INTS3: variants seen among roughly 807,000 people sequenced by gnomAD.
INTS3 encodes the protein integrator complex subunit 3.
INTS3 carries 34 observed loss-of-function variants against 146.3 expected under a neutral mutation model. The ratio of observed to expected loss-of-function variants is 0.23; its 90% CI spans 0.18 to 0.31. The LOEUF is 0.31. Ranked by LOEUF, INTS3 falls within the 10% of genes least tolerant of loss-of-function variation. INTS3 has a pLI of 1.00. For missense variants in INTS3, 757 were observed against 1,304.2 expected (o/e 0.58, Z 6.46); for synonymous variants, 475 against 494.9 (o/e 0.96, Z 0.53).
At chr1:153,748,973 T>C (rs1671857055) in intron 6 of INTS3, among the ~76,000 whole-genome samples, 2 of 152,198 alleles carry the variant, frequency 1.3e-5, no homozygotes, top group Admixed American at 6.5e-5. Flanking sequence ...AAATATCGCA[T>C]AGCCCAGAAA....
chr1:153,755,560 A>G (rs1333050262), intron 9 of INTS3, among the ~76,000 whole-genome samples: 1 of 151,904 alleles, frequency 6.6e-6, no homozygotes, highest in Non-Finnish European at 1.5e-5. Context: ...GCACCCAGCC[A>G]GAATCTGTTT....
chr1:153,761,328 T>C, intron 13 of INTS3: 1 of 494,896 alleles, frequency 2.0e-6, no homozygotes, highest in Non-Finnish European at 3.6e-6. Context: ...CTGGCCAACA[T>C]GGCAAAACCC....
chr1:153,733,281 C>T (rs185800652), intron 1 of INTS3, among the ~76,000 whole-genome samples: 40 of 129,016 alleles, frequency 3.1e-4, no homozygotes, highest in African/African-American at 1.1e-3. Context: ...GGTGCGATCT[C>T]GGCTCACTGC....
chr1:153,760,898 T>C lies in INTS3; in HGVS notation c.1389T>C (p.Ile463=), dbSNP rs1672359845. The change falls in exon 13 of 30, where the codon ATT becomes ATC. Residue 463 remains isoleucine, a synonymous_variant. Transcript: ENST00000318967. ...RQGVFSSLNH[I]VEKRVLAHLA... ...GTGTCTTTTCCTCCCTCAACCACAT[T>C]GTGGAGAAACGGGTCTTGGCGTAAG... The C allele has an allele frequency of 6.2e-7, 1 of 1,614,040 alleles. No homozygotes were observed. Among genetic ancestry groups the C allele is most frequent in the African/African-American group, 1.3e-5 (1 of 75,034 alleles).
intron 20 of INTS3, 127 bp from the exon 21 acceptor site, chr1:153,767,547 C>T: frequency 1.1e-6 from 1 of 902,148 alleles, no homozygotes; most frequent in Non-Finnish European, 1.6e-6. Context: ...TTGGGAGGGA[C>T]ATGAGGCAGA....
rs2101822581 is a variant in INTS3 at position 153,764,992 on chromosome 1, A to C, written c.2019A>C (p.Leu673=). Residue 673 remains leucine (L), a synonymous_variant, in exon 20 of 30, where the codon CTA becomes CTC. Coordinates refer to ENST00000318967, the MANE Select transcript of INTS3 (RefSeq NM_023015.5). ...ACAACAGCAGCTTCTCTCTACTTCT[A>C]GACCTTCTCTCCGAGCTATATCAGA... is the stretch of plus-strand genomic sequence containing the variant. The part of the protein sequence containing the change: ...QEDNSSFSLL[L]DLLSELYQKQ... 1 of 1,614,076 alleles carries C rather than the reference A, an allele frequency of 6.2e-7. No individual in the cohort carries two copies. Among genetic ancestry groups the C allele is most frequent in the East Asian group, 2.2e-5 (1 of 44,874 alleles).
intron 1 of INTS3, among the ~76,000 whole-genome samples, chr1:153,736,356 C>G (rs1671291129): frequency 6.6e-6 from 1 of 152,176 alleles, no homozygotes; most frequent in Non-Finnish European, 1.5e-5. Flanking sequence ...TGCCTTAACA[C>G]TCAGTTCTAC....
rs1333516684 is a variant in INTS3 at position 153,757,533 on chromosome 1, T to C, written c.958-39T>C. 1 of 1,591,594 alleles carries C rather than the reference T, an allele frequency of 6.3e-7. No individual in the cohort carries two copies. The highest frequency in any genetic ancestry group is 1.7e-5 in the Admixed American group (1 of 59,610). On this transcript the variant is annotated intron_variant, in intron 9 of 29. Coordinates refer to ENST00000318967, the MANE Select transcript of INTS3 (RefSeq NM_023015.5). This position sits in a 1 kb window ranked among gnomAD's most constrained non-coding sequence, Gnocchi z 4.0. ...TTTCCTCTGGCCAAGGACCCCACAC[T>C]GTCTTCTAAGGTCTTTTTCTTGCTT...
intron 1 of INTS3, among the ~76,000 whole-genome samples, chr1:153,730,878 C>T (rs1424260684): frequency 6.6e-6 from 1 of 152,124 alleles, no homozygotes; most frequent in African/African-American, 2.4e-5. Context: ...TCGGTTATCC[C>T]CACTAGACCA....
Position 153,772,734 on chromosome 1 carries a change from C to T in INTS3, c.2894+23C>T, listed in dbSNP as rs1402954657. On this transcript the variant is annotated intron_variant, in intron 28 of 29. Coordinates refer to ENST00000318967, the MANE Select transcript of INTS3 (RefSeq NM_023015.5). The surrounding 1 kb of genome is among the most constrained non-coding windows in gnomAD (Gnocchi z 4.6). Reference sequence around the variant, plus strand: ...GAAGTGAGGCTCCTGCCACTTTGGGCCTTGGAAAGTAGTAGGGGAAAAGCC... The same window carrying T: ...GAAGTGAGGCTCCTGCCACTTTGGGTCTTGGAAAGTAGTAGGGGAAAAGCC... The T allele has an allele frequency of 6.2e-7, 1 of 1,610,730 alleles. No homozygotes were observed. The highest frequency in any genetic ancestry group is 8.5e-7 in the Non-Finnish European group (1 of 1,178,122).
intron 6 of INTS3, among the ~76,000 whole-genome samples, chr1:153,749,738 C>T (rs1411285624): frequency 6.6e-6 from 1 of 152,164 alleles, no homozygotes; most frequent in Non-Finnish European, 1.5e-5. Flanking sequence ...GGTCAGGGGG[C>T]CTTTCAACTC....
rs761105904 is a variant in INTS3, at chr1:153,741,432, T to TA, written c.318+65dup. On this transcript the variant is annotated intron_variant, in intron 3 of 29. Coordinates refer to ENST00000318967, the MANE Select transcript of INTS3 (RefSeq NM_023015.5). ...ATATGATCTGGGATATGGTGGAACT[T>TA]ACAGTTTAACTGGGGTAGTATGAAA... The TA allele has an allele frequency of 5.0e-4, 610 of 1,229,410 alleles. 6 individuals are homozygous for TA. Among genetic ancestry groups the TA allele is most frequent in the South Asian group, 2.2e-3 (179 of 83,090 alleles). 76.2% of individuals were successfully genotyped at this position (1,229,410 alleles called of 1,614,324 possible).
At chr1:153,748,341 T>C in intron 5 of INTS3, 1 of 315,500 alleles carries the variant, frequency 3.2e-6, no homozygotes, top group South Asian at 3.1e-5. Flanking sequence ...CCTGTACTTC[T>C]CAGGCTCTAT....
At chr1:153,732,060 C>T (rs1054520359) in intron 1 of INTS3, among the ~76,000 whole-genome samples, 2 of 151,464 alleles carry the variant, frequency 1.3e-5, no homozygotes, top group African/African-American at 4.9e-5. Context: ...GGCACTACCA[C>T]TCCTGGCTAA....
At chr1:153,751,816 C>T (rs1483948235) in intron 7 of INTS3, among the ~76,000 whole-genome samples, 1 of 152,184 alleles carries the variant, frequency 6.6e-6, no homozygotes, top group Non-Finnish European at 1.5e-5. Flanking sequence ...GTTGCATTAG[C>T]TACACGTTGC....
chr1:153,760,861 A>C lies in INTS3; in HGVS notation c.1352A>C (p.His451Pro). The C allele has an allele frequency of 6.2e-7, 1 of 1,614,136 alleles. No individual in the cohort carries two copies. The highest frequency in any genetic ancestry group is 8.5e-7 in the Non-Finnish European group (1 of 1,180,020). Residue 451 changes from histidine to proline, a missense_variant, in exon 13 of 30, where the codon CAC becomes CCC. His to Pro is a moderately conservative substitution (Grantham distance 77). This residue lies in a region of INTS3 where 97 missense variants were observed against 113.6 expected (regional missense o/e 0.85). Transcript: ENST00000318967. ...AACTTCTATCCACCATTGGAGGGCC[A>C]CGTGCGGCAGGGTGTCTTTTCCTCC... ...IPNFYPPLEG[H>P]VRQGVFSSLN...
At chr1:153,759,193 G>C (rs914908612) in intron 10 of INTS3, among the ~76,000 whole-genome samples, 9 of 151,450 alleles carry the variant, frequency 5.9e-5, no homozygotes, top group African/African-American at 2.2e-4. Context: ...AGGCTCTCTC[G>C]AGCCTGGGCG....
Position 153,767,673 on chromosome 1 carries a change from G to A in INTS3, c.2091-1G>A. ...TGGCTCAGGCCCAGCTGGTCTTGCA[G>A]CAAAGCCGCCGCAGGGAAGATGAAC... is the stretch of plus-strand genomic sequence containing the variant. On this transcript the variant is annotated splice_acceptor_variant, in intron 20 of 29. Transcript: ENST00000318967. LOFTEE classifies it high-confidence loss of function. 1 of 1,577,818 alleles carries A rather than the reference G, an allele frequency of 6.3e-7. No homozygotes were observed. Among genetic ancestry groups the A allele is most frequent in the Non-Finnish European group, 8.6e-7 (1 of 1,156,330 alleles).
At chr1:153,768,103 T>C (rs926369819) in intron 21 of INTS3, among the ~76,000 whole-genome samples, 1 of 152,206 alleles carries the variant, frequency 6.6e-6, no homozygotes, top group Non-Finnish European at 1.5e-5. Flanking sequence ...CCCCATCATC[T>C]GGACCCAGGA....
Sources: gnomAD v4.1 joint callset for allele counts (sites outside exome capture counted in the v4.1 genomes callset) on GRCh38, gnomAD v4.1.1 for gene constraint, gnomAD v4.1.1 regional missense constraint, Gnocchi (gnomAD v3.1) non-coding constraint, MANE v1.5 for transcripts, NCBI Gene and HGNC (gene_info 2026-07-23, HGNC 2026-07-21) for gene names.